The following RBFOX1 variants were observed in gnomAD, a reference collection of about 807,000 sequenced individuals.
The protein encoded by RBFOX1 is RNA binding fox-1 homolog 1, also known as RNA binding protein fox-1 homolog 1.
A neutral mutation model predicts 57.7 loss-of-function variants in RBFOX1; 8 were observed. The observed-to-expected ratio is 0.14, with a 90% CI of 0.08 to 0.25. RBFOX1 has a LOEUF of 0.25. RBFOX1 is among the 10% of genes least tolerant of loss of function. RBFOX1 has a pLI of 1.00. For missense variants in RBFOX1, 611 were observed against 548.5 expected (o/e 1.11, Z -1.14); for synonymous variants, 326 against 222.4 (o/e 1.47, Z -4.15).
chr16:7,683,979 A>G (rs1243669977), intron 14 of RBFOX1, among the ~76,000 whole-genome samples: 2 of 152,148 alleles, frequency 1.3e-5, no homozygotes, highest in African/African-American at 4.8e-5. Context: ...TTTGGGTTTT[A>G]TGTCACTAGG....
At chr16:7,541,912 G>A (rs536115448) in intron 5 of RBFOX1, among the ~76,000 whole-genome samples, 1 of 152,216 alleles carries the variant, frequency 6.6e-6, no homozygotes, top group Non-Finnish European at 1.5e-5. Flanking sequence ...AAGAAGTCTT[G>A]GGTGAGCAGA....
At chr16:7,516,390 C>T (rs917154574) in intron 4 of RBFOX1, among the ~76,000 whole-genome samples, 1 of 152,072 alleles carries the variant, frequency 6.6e-6, no homozygotes, top group African/African-American at 2.4e-5. Context: ...CTCGTAGCGA[C>T]TGGGAGCTGG....
intron 2 of RBFOX1, among the ~76,000 whole-genome samples, chr16:6,517,435 C>T (rs1298066743): frequency 6.6e-6 from 1 of 152,152 alleles, no homozygotes; most frequent in African/African-American, 2.4e-5. Context: ...TTCTCCTTCT[C>T]TGCTGGACAG....
intron 4 of RBFOX1, among the ~76,000 whole-genome samples, chr16:7,409,925 G>A (rs550819027): frequency 2.6e-5 from 4 of 152,262 alleles, no homozygotes; most frequent in Non-Finnish European, 2.9e-5. Flanking sequence ...GGGTCTTATC[G>A]AGGAGGCTGT....
intron 2 of RBFOX1, among the ~76,000 whole-genome samples, chr16:6,585,399 A>C (rs1289810922): frequency 1.3e-5 from 2 of 150,960 alleles, no homozygotes; most frequent in East Asian, 1.9e-4. Flanking sequence ...TTTTACTTCG[A>C]CTCTTTTTTC....
At chr16:5,501,425 C>T (rs918541341) in intron 2 of RBFOX1, among the ~76,000 whole-genome samples, 14 of 151,070 alleles carry the variant, frequency 9.3e-5, no homozygotes, top group Non-Finnish European at 1.0e-4. Flanking sequence ...ACAAACTATG[C>T]GGACGCCCTG....
chr16:6,149,878 TG>T (rs2096785583), intron 1 of RBFOX1, among the ~76,000 whole-genome samples: 2 of 152,228 alleles, frequency 1.3e-5, no homozygotes, highest in South Asian at 4.1e-4. Context: ...AACTCTAAAT[TG>T]CTATACAAAT....
intron 4 of RBFOX1, among the ~76,000 whole-genome samples, chr16:7,460,976 C>T (rs938507830): frequency 3.9e-5 from 6 of 152,102 alleles, no homozygotes; most frequent in South Asian, 2.1e-4. Flanking sequence ...ATCTCCTTGA[C>T]ATTGTGGAGA....
intron 4 of RBFOX1, among the ~76,000 whole-genome samples, chr16:7,173,509 G>C (rs12917898): frequency 2.0e-5 from 3 of 151,922 alleles, no homozygotes; most frequent in Admixed American, 2.0e-4. Context: ...TTTTCTCTCA[G>C]AAGTCATTTT....
At chr16:6,120,194 G>A (rs9646296) in intron 1 of RBFOX1, among the ~76,000 whole-genome samples, 58,865 of 151,996 alleles carry the variant, frequency 0.39, 11,871 homozygotes, top group Non-Finnish European at 0.45. Context: ...TAGCATTTGC[G>A]TTGTTTTCAT....
intron 4 of RBFOX1, among the ~76,000 whole-genome samples, chr16:5,976,360 AAATGTTACAT>A (rs1159572005): frequency 6.6e-6 from 1 of 152,142 alleles, no homozygotes; most frequent in Non-Finnish European, 1.5e-5. Context: ...TTAGTCTCTA[AAATGTTACAT>A]AATGTGTTTT....
At chr16:5,697,125 G>C (rs968403210) in intron 3 of RBFOX1, among the ~76,000 whole-genome samples, 2 of 151,862 alleles carry the variant, frequency 1.3e-5, no homozygotes, top group African/African-American at 2.4e-5. Flanking sequence ...ATATAATTTT[G>C]GATTGTTTAT....
rs1471139673 is a variant in RBFOX1 at position 6,103,895 on chromosome 16, C to T, written c.-127+83903C>T. 9.9e-5 allele frequency among the ~76,000 whole-genome samples: 15 copies of T among 152,180 alleles called. No homozygotes were observed. The South Asian group carries it at 2.9e-3, about 29-fold the overall frequency. On this transcript the variant is annotated intron_variant, in intron 1 of 15. Transcript: ENST00000550418. ...GTACCTGAAATTCCCCTTTTTTGCT[C>T]TGTTCCAATTTGGAAGAAACTTTTC...
intron 3 of RBFOX1, among the ~76,000 whole-genome samples, chr16:6,831,774 C>T (rs1472646651): frequency 1.3e-5 from 2 of 152,094 alleles, no homozygotes; most frequent in South Asian, 4.1e-4. Context: ...ATTTCCACAT[C>T]TTTGGGAAGG....
At chr16:6,951,341 G>T (rs2080720184) in intron 3 of RBFOX1, among the ~76,000 whole-genome samples, 1 of 152,096 alleles carries the variant, frequency 6.6e-6, no homozygotes, top group African/African-American at 2.4e-5. Flanking sequence ...TTGTCTGAGG[G>T]TATTCTGGCT....
chr16:7,441,081 G>C (rs772486586), intron 4 of RBFOX1, among the ~76,000 whole-genome samples: 2 of 152,016 alleles, frequency 1.3e-5, no homozygotes, highest in Non-Finnish European at 2.9e-5. Flanking sequence ...ATTTTCCTAA[G>C]ATATCCTCTT....
chr16:5,776,813 A>T (rs1042210422), intron 3 of RBFOX1, among the ~76,000 whole-genome samples: 2 of 152,226 alleles, frequency 1.3e-5, no homozygotes, highest in Non-Finnish European at 2.9e-5. Flanking sequence ...CCTCCAGAAC[A>T]GCCCTGTCCA....
chr16:7,678,563 A>G (rs1036599920), intron 14 of RBFOX1, among the ~76,000 whole-genome samples: 3 of 152,168 alleles, frequency 2.0e-5, no homozygotes, highest in African/African-American at 7.2e-5. Flanking sequence ...TAATTATAAG[A>G]ATCTTAAACA....
intron 3 of RBFOX1, among the ~76,000 whole-genome samples, chr16:5,713,261 G>A (rs904463200): frequency 6.6e-6 from 1 of 152,110 alleles, no homozygotes; most frequent in African/African-American, 2.4e-5. Flanking sequence ...GCAGCCTTTT[G>A]GATTCATCCT....
Sources: gnomAD v4.1 joint callset for allele counts (sites outside exome capture counted in the v4.1 genomes callset) on GRCh38, gnomAD v4.1.1 for gene constraint, MANE v1.5 for transcripts, NCBI Gene and HGNC (gene_info 2026-07-23, HGNC 2026-07-21) for gene names.